Variants in SNX30 observed in about 807,000 individuals in gnomAD.
SNX30 encodes the protein sorting nexin-30.
SNX30 carries 24 observed loss-of-function variants against 46.4 expected under a neutral mutation model. The ratio of observed to expected loss-of-function variants is 0.52; its 90% CI spans 0.37 to 0.73. The LOEUF (loss-of-function observed/expected upper bound fraction) is 0.73. SNX30 is among the 30% of genes least tolerant of loss of function. The probability of loss-of-function intolerance (pLI) is 0.00; values close to 1 mark genes in which losing one functional copy is unlikely to be tolerated. For missense variants in SNX30, 533 were observed against 555.7 expected (o/e 0.96, Z 0.41); for synonymous variants, 189 against 211.5 (o/e 0.89, Z 0.92).
chr9:112,780,664 C>T (rs1394290670), intron 1 of SNX30, among the ~76,000 whole-genome samples: 2 of 152,240 alleles, frequency 1.3e-5, no homozygotes, highest in African/African-American at 2.4e-5. Flanking sequence ...CATCTACCAT[C>T]TGCACAGCAT....
In SNX30 at chr9:112,868,909, C is replaced by T. The variant is rs2131517693; in HGVS notation, c.*66C>T. 1 of 1,492,836 alleles carries T rather than the reference C, an allele frequency of 6.7e-7. No individual in the cohort carries two copies. The highest frequency in any genetic ancestry group is 2.3e-5 in the East Asian group (1 of 44,292). The allele number at this position is 1,492,836 out of a possible 1,614,324, so 92.5% of individuals were successfully genotyped here. On this transcript the variant is annotated 3_prime_UTR_variant, in exon 9 of 9. Transcript: ENST00000374232. Reference sequence around the variant, plus strand: ...CCTGGCACCCTATACCGGAATGTCCCTGCAGTGCCAGAGACGCAGTGCTGG... The same window carrying T: ...CCTGGCACCCTATACCGGAATGTCCTTGCAGTGCCAGAGACGCAGTGCTGG...
chr9:112,797,101 C>G (rs572213118), intron 1 of SNX30, among the ~76,000 whole-genome samples: 1 of 152,336 alleles, frequency 6.6e-6, no homozygotes, highest in African/African-American at 2.4e-5. Flanking sequence ...GCCTTCACAT[C>G]TGCTGCTAGG....
At chr9:112,807,910 C>T (rs1328702349) in intron 2 of SNX30, among the ~76,000 whole-genome samples, 1 of 152,230 alleles carries the variant, frequency 6.6e-6, no homozygotes, top group East Asian at 1.9e-4. Context: ...GTAACGTTTT[C>T]CAAGTTCTAG....
chr9:112,831,238 T>G (rs949866185), intron 4 of SNX30, among the ~76,000 whole-genome samples: 8 of 152,186 alleles, frequency 5.3e-5, no homozygotes, highest in African/African-American at 1.9e-4. Context: ...GGTCTTTTTT[T>G]GGGTGCCTGT....
Position 112,809,905 on chromosome 9 carries a change from A to G in SNX30, c.348+4938A>G, listed in dbSNP as rs563186327. Among the ~76,000 whole-genome samples, 7 of 152,120 alleles carry G rather than the reference A, an allele frequency of 4.6e-5. No homozygotes were observed. The East Asian group carries it at 5.8e-4, about 13-fold the overall frequency. Reference sequence around the variant, plus strand: ...GACTGCTGCTGTTTTTAAGGATGAAAGAGACTTGTTTAACTGCCAGTTGCG... The same window carrying G: ...GACTGCTGCTGTTTTTAAGGATGAAGGAGACTTGTTTAACTGCCAGTTGCG... On this transcript the variant is annotated intron_variant, in intron 2 of 8. Coordinates refer to ENST00000374232, the MANE Select transcript of SNX30 (RefSeq NM_001012994.2).
At chr9:112,788,540 G>T (rs764613280) in intron 1 of SNX30, among the ~76,000 whole-genome samples, 1 of 152,074 alleles carries the variant, frequency 6.6e-6, no homozygotes, top group Non-Finnish European at 1.5e-5. Context: ...CGCCTGGATT[G>T]TGGTGTAGCA....
intron 1 of SNX30, among the ~76,000 whole-genome samples, chr9:112,764,988 G>T (rs550419675): frequency 7.2e-5 from 11 of 152,284 alleles, no homozygotes; most frequent in African/African-American, 2.6e-4. Flanking sequence ...CAGGGGAAAA[G>T]GTCAGGGAGA....
chr9:112,843,543 G>T (rs898633897), intron 6 of SNX30, among the ~76,000 whole-genome samples: 2 of 152,060 alleles, frequency 1.3e-5, no homozygotes, highest in Non-Finnish European at 2.9e-5. Context: ...GATCAGAAAG[G>T]CTGGGGAGTG....
chr9:112,762,491 C>T (rs1564259631), intron 1 of SNX30, among the ~76,000 whole-genome samples: 1 of 151,910 alleles, frequency 6.6e-6, no homozygotes, highest in East Asian at 1.9e-4. Context: ...CAGATGGTTG[C>T]GGTAGCATGT....
At chr9:112,764,228 C>T (rs1839494065) in intron 1 of SNX30, among the ~76,000 whole-genome samples, 1 of 152,168 alleles carries the variant, frequency 6.6e-6, no homozygotes, top group Non-Finnish European at 1.5e-5. Flanking sequence ...CATACTAAAG[C>T]TTAGCAGTGT....
At chr9:112,752,398 T>G (rs1432643821) in intron 1 of SNX30, among the ~76,000 whole-genome samples, 2 of 152,122 alleles carry the variant, frequency 1.3e-5, no homozygotes, top group African/African-American at 4.8e-5. Context: ...GGATGATTGC[T>G]CTGAACCAAA....
intron 1 of SNX30, among the ~76,000 whole-genome samples, chr9:112,757,880 C>T (rs1335391220): frequency 2.0e-5 from 3 of 152,186 alleles, no homozygotes; most frequent in Non-Finnish European, 4.4e-5. Flanking sequence ...CCAGGGTTCT[C>T]AGGAAGCTCA....
At chr9:112,862,406 GC>G (rs1312823195) in intron 7 of SNX30, among the ~76,000 whole-genome samples, 1 of 152,178 alleles carries the variant, frequency 6.6e-6, no homozygotes, top group Non-Finnish European at 1.5e-5. Context: ...AAGGGAACTG[GC>G]CTGTGCCTGT....
At chr9:112,885,440 G>GTATATATATATATGTGTA (rs1554759747), downstream of SNX30, 29 of 147,550 alleles carry the variant, frequency 2.0e-4, no homozygotes, top group African/African-American at 6.5e-4. Context: ...ATATATATGT[G>GTATATATATATATGTGTA]TATATATATA....
chr9:112,795,765 T>TCTCA (rs34877094), intron 1 of SNX30, among the ~76,000 whole-genome samples: 3,656 of 123,250 alleles, frequency 0.03, 55 homozygotes, highest in South Asian at 0.057. Flanking sequence ...CACAGTACAG[T>TCTCA]CACACACACA....
At chr9:112,809,076 G>T (rs1840275707) in intron 2 of SNX30, among the ~76,000 whole-genome samples, 1 of 141,598 alleles carries the variant, frequency 7.1e-6, no homozygotes, top group African/African-American at 2.6e-5. Flanking sequence ...TTGCCCAAAA[G>T]ACATGATTTT....
In SNX30 at chr9:112,851,606, G is replaced by C. The variant is rs373512833; in HGVS notation, c.1101+661G>C. On this transcript the variant is annotated intron_variant, in intron 7 of 8. Coordinates refer to ENST00000374232, the MANE Select transcript of SNX30 (RefSeq NM_001012994.2). ...GCTCGGTAGGTTCACCTCACCTGCT[G>C]CCTAGACAGAGCTGATTTATCAGGA... Among the ~76,000 whole-genome samples, 20 of 152,346 alleles carry C rather than the reference G, an allele frequency of 1.3e-4. No individual in the cohort carries two copies. The East Asian group carries it at 2.5e-3, about 19-fold the overall frequency.
intron 1 of SNX30, among the ~76,000 whole-genome samples, chr9:112,769,293 T>C (rs776795995): frequency 7.2e-5 from 11 of 152,246 alleles, no homozygotes; most frequent in Non-Finnish European, 1.5e-4. Context: ...TTCTGTCTTT[T>C]GATCCTCCCT....
chr9:112,775,837 C>T (rs778949583), intron 1 of SNX30, among the ~76,000 whole-genome samples: 14 of 144,120 alleles, frequency 9.7e-5, no homozygotes, highest in Non-Finnish European at 1.8e-4. Context: ...TTGTACCACG[C>T]TTTACACATA....
Sources: allele counts gnomAD v4.1 joint callset (sites outside exome capture counted in the v4.1 genomes callset), GRCh38; gene constraint gnomAD v4.1.1; transcripts MANE v1.5; gene names NCBI Gene and HGNC (gene_info 2026-07-23, HGNC 2026-07-21).